The following CLVS1 variants were observed in gnomAD, a reference collection of about 807,000 sequenced individuals.
CLVS1 encodes the protein clavesin 1.
A neutral mutation model predicts 33.1 loss-of-function variants in CLVS1; 10 were observed. The observed-to-expected ratio is 0.30, with a 90% CI of 0.19 to 0.51. The LOEUF (loss-of-function observed/expected upper bound fraction) is 0.51, where lower values mean the gene tolerates loss of function less well. Ranked by LOEUF, CLVS1 falls within the 20% of genes least tolerant of loss-of-function variation. The pLI, the probability that CLVS1 is intolerant of heterozygous loss-of-function variation, is 0.97. For missense variants in CLVS1, 343 were observed against 433.4 expected, an observed-to-expected ratio of 0.79 and a Z score of 1.85; for synonymous variants, 163 against 166.1, an observed-to-expected ratio of 0.98 and a Z score of 0.14.
chr8:61,347,626 TTA>T (rs56179025), intron 2 of CLVS1, among the ~76,000 whole-genome samples: 8 of 37,038 alleles, frequency 2.2e-4, no homozygotes, highest in Admixed American at 5.8e-4. Flanking sequence ...GGCCATTCCA[TTA>T]TATATATATA....
intron 1 of CLVS1, among the ~76,000 whole-genome samples, chr8:61,096,814 T>C (rs1314779585): frequency 2.6e-5 from 4 of 152,150 alleles, no homozygotes; most frequent in Non-Finnish European, 5.9e-5. Context: ...TTTAGCATGC[T>C]TCCTTTGCCT....
chr8:61,177,051 C>T (rs1807126186), intron 2 of CLVS1, among the ~76,000 whole-genome samples: 1 of 150,934 alleles, frequency 6.6e-6, no homozygotes, highest in African/African-American at 2.4e-5. Flanking sequence ...AGCTGCCTAA[C>T]ACACTAAGCT....
At chr8:60,984,617 C>T in the CLVS1 span, among the ~76,000 whole-genome samples, 69 of 152,300 alleles carry the variant, frequency 4.5e-4, no homozygotes, top group Non-Finnish European at 7.8e-4. Flanking sequence ...CGTGAGCCAC[C>T]GTGCCTGGCC....
chr8:61,252,605 A>G (rs919706825), intron 2 of CLVS1, among the ~76,000 whole-genome samples: 1 of 152,130 alleles, frequency 6.6e-6, no homozygotes, highest in Admixed American at 6.5e-5. Context: ...GTGCTCCTGT[A>G]TTGGGTGCAT....
chr8:60,980,771 G>A, the CLVS1 span, among the ~76,000 whole-genome samples: 1 of 152,052 alleles, frequency 6.6e-6, no homozygotes, highest in Non-Finnish European at 1.5e-5. Context: ...GGGTGACAGA[G>A]TGAGACCCCA....
intron 2 of CLVS1, among the ~76,000 whole-genome samples, chr8:61,207,433 C>T (rs1807878771): frequency 3.1e-5 from 2 of 65,530 alleles, no homozygotes; most frequent in African/African-American, 2.2e-4. Flanking sequence ...TGCCTGGGCT[C>T]AAGTGAAGTG....
rs570828035 is a variant in CLVS1 at position 61,260,680 on chromosome 8, T to TGCGTGGTCCA, written c.-151-38995_-151-38994insGTGGTCCAGC. The stretch of plus-strand genomic sequence containing the variant: ...AGGAGGAGATAAAGAAAAGTGGTCC[T>TGCGTGGTCCA]GCCTGGTCCAGCCCGAACATATTGA... On this transcript the variant is annotated intron_variant, in intron 2 of 2. Coordinates refer to the CLVS1 transcript ENST00000522621. 4.7e-4 allele frequency among the ~76,000 whole-genome samples: 71 copies of TGCGTGGTCCA among 152,344 alleles called. No homozygotes were observed. In the South Asian group the frequency reaches 0.014, roughly 31 times the overall value.
chr8:61,034,232 CATTT>C, the CLVS1 span, among the ~76,000 whole-genome samples: 4 of 152,054 alleles, frequency 2.6e-5, no homozygotes, highest in Non-Finnish European at 4.4e-5. Context: ...TATTTCATTT[CATTT>C]ATTTATTTAT....
At chr8:61,104,532 GT>G (rs1805501865) in intron 1 of CLVS1, among the ~76,000 whole-genome samples, 1 of 152,274 alleles carries the variant, frequency 6.6e-6, no homozygotes, top group African/African-American at 2.4e-5. Flanking sequence ...TGCTTGATTA[GT>G]TTTAGTAATC....
Position 61,431,347 on chromosome 8 carries a change from A to C in CLVS1, c.631-22794A>C, listed in dbSNP as rs541829576. 1.4e-3 allele frequency among the ~76,000 whole-genome samples: 214 copies of C among 152,388 alleles called. 1 individual carries two copies. The highest frequency in any genetic ancestry group is 2.6e-3 in the Non-Finnish European group (177 of 68,048). ...AAAGGCATTAATTAAGTCTACAGAC[A>C]TATCCCTTTGTCTCCCAAGAGGAGG... On this transcript the variant is annotated intron_variant, in intron 3 of 5. Transcript: ENST00000325897.
intron 2 of CLVS1, among the ~76,000 whole-genome samples, chr8:61,276,210 C>T (rs921493202): frequency 6.6e-6 from 1 of 152,206 alleles, no homozygotes; most frequent in Non-Finnish European, 1.5e-5. Flanking sequence ...AAACACTCTC[C>T]TGTCATTCTT....
intron 3 of CLVS1, among the ~76,000 whole-genome samples, chr8:61,427,366 G>A (rs150052354): frequency 2.0e-5 from 3 of 151,722 alleles, no homozygotes; most frequent in South Asian, 2.1e-4. Context: ...TTATTCCCTC[G>A]TTCAGTCATT....
intron 2 of CLVS1, among the ~76,000 whole-genome samples, chr8:61,135,392 G>A (rs143829962): frequency 7.0e-4 from 106 of 152,256 alleles, no homozygotes; most frequent in Admixed American, 2.0e-3. Flanking sequence ...AGGGCTGAGC[G>A]CTTGATTCTA....
the CLVS1 span, among the ~76,000 whole-genome samples, chr8:60,971,653 G>A: frequency 6.6e-6 from 1 of 152,102 alleles, no homozygotes; most frequent in Non-Finnish European, 1.5e-5. Context: ...GTGAAAATGA[G>A]CCTCTCAGCA....
chr8:61,487,254 G>C (rs1436003856), intron 5 of CLVS1, among the ~76,000 whole-genome samples: 7 of 152,106 alleles, frequency 4.6e-5, no homozygotes, highest in Non-Finnish European at 8.8e-5. Context: ...TGTTCTGGGG[G>C]TTCTTGAAAA....
chr8:61,051,192 C>A, the CLVS1 span, among the ~76,000 whole-genome samples: 1 of 152,238 alleles, frequency 6.6e-6, no homozygotes, highest in Non-Finnish European at 1.5e-5. Context: ...GAAATGGAAG[C>A]TACTTCCACA....
chr8:61,495,521 G>A lies in CLVS1; in HGVS notation c.978-3934G>A, dbSNP rs60793833. 8.6e-3 allele frequency among the ~76,000 whole-genome samples: 1,307 copies of A among 152,286 alleles called. 13 individuals are homozygous for A. The highest frequency in any genetic ancestry group is 0.028 in the African/African-American group (1,176 of 41,554). On this transcript the variant is annotated intron_variant, in intron 5 of 5. Transcript: ENST00000325897. ...TTTGAAACAGATCCAAGACACAAAA[G>A]TCCCAGATAATCATTTGGATGGGTA...
At chr8:60,992,456 C>A in the CLVS1 span, among the ~76,000 whole-genome samples, 2 of 152,168 alleles carry the variant, frequency 1.3e-5, no homozygotes, top group Non-Finnish European at 2.9e-5. Flanking sequence ...AGAAAGACTG[C>A]TGGAATGATC....
intron 3 of CLVS1, among the ~76,000 whole-genome samples, chr8:61,412,783 G>A (rs1394015990): frequency 6.6e-6 from 1 of 152,186 alleles, no homozygotes; most frequent in Non-Finnish European, 1.5e-5. Flanking sequence ...TAAGACCTGG[G>A]TTTGAGTTAC....
Sources: gnomAD v4.1 joint callset for allele counts (sites outside exome capture counted in the v4.1 genomes callset) on GRCh38, gnomAD v4.1.1 for gene constraint, MANE v1.5 for transcripts, NCBI Gene and HGNC (gene_info 2026-07-23, HGNC 2026-07-21) for gene names.